Variants in DDX4 observed in about 807,000 individuals in gnomAD.
The protein encoded by DDX4 is DEAD-box helicase 4, also known as probable ATP-dependent RNA helicase DDX4.
A neutral mutation model predicts 100.0 loss-of-function variants in DDX4; 25 were observed. The observed-to-expected ratio is 0.25, with a 90% CI of 0.18 to 0.35. The LOEUF (loss-of-function observed/expected upper bound fraction) is 0.35, where lower values mean the gene tolerates loss of function less well. Among genes scored for constraint, DDX4 ranks in the 10% least tolerant of loss-of-function variants. The pLI is 1.00. For missense variants in DDX4, 635 were observed against 882.4 expected (o/e 0.72, Z 3.55); for synonymous variants, 259 against 275.7 (o/e 0.94, Z 0.60).
chr5:55,813,021 C>G (rs1259939642), intron 18 of DDX4, among the ~76,000 whole-genome samples: 1 of 152,010 alleles, frequency 6.6e-6, no homozygotes, highest in African/African-American at 2.4e-5. Flanking sequence ...TCTTCTCCAA[C>G]ATTTTATAGG....
At chr5:55,770,322 G>A (rs890126580) in intron 7 of DDX4, among the ~76,000 whole-genome samples, 4 of 152,142 alleles carry the variant, frequency 2.6e-5, no homozygotes, top group Admixed American at 1.3e-4. Context: ...TCTGAATAGA[G>A]TCATTGGAAA....
chr5:55,742,593 G>C (rs551156754), intron 2 of DDX4, among the ~76,000 whole-genome samples: 2 of 152,350 alleles, frequency 1.3e-5, no homozygotes, highest in South Asian at 4.1e-4. Context: ...GTAGCTGCAT[G>C]TGAGAACACT....
At chr5:55,759,348 T>G (rs114370191) in intron 3 of DDX4, among the ~76,000 whole-genome samples, 1,641 of 148,536 alleles carry the variant, frequency 0.011, 27 homozygotes, top group African/African-American at 0.038. Flanking sequence ...CCATTGTGAG[T>G]TTTTTTTTTG....
chr5:55,743,682 G>A (rs1374836664), intron 2 of DDX4, among the ~76,000 whole-genome samples: 1 of 152,074 alleles, frequency 6.6e-6, no homozygotes. Context: ...TGGCTGCCTC[G>A]GCTTCCCAAA....
chr5:55,803,274 GA>G (rs1356763336), intron 18 of DDX4, among the ~76,000 whole-genome samples: 1 of 151,636 alleles, frequency 6.6e-6, no homozygotes, highest in Non-Finnish European at 1.5e-5. Context: ...CAAAGGACAT[GA>G]ACTCATCATT....
intron 18 of DDX4, among the ~76,000 whole-genome samples, chr5:55,807,123 T>C (rs1236765734): frequency 2.0e-5 from 3 of 152,224 alleles, no homozygotes; most frequent in Non-Finnish European, 2.9e-5. Context: ...AAGTCTGTTT[T>C]ATCAGAGACT....
intron 15 of DDX4, among the ~76,000 whole-genome samples, chr5:55,790,213 C>T (rs541576665): frequency 1.3e-3 from 170 of 135,928 alleles, no homozygotes; most frequent in African/African-American, 4.3e-3. Context: ...GGTGGGATCT[C>T]GGCTCACTGC....
chr5:55,772,572 T>G (rs539723073), intron 7 of DDX4, among the ~76,000 whole-genome samples: 1 of 152,286 alleles, frequency 6.6e-6, no homozygotes, highest in African/African-American at 2.4e-5. Context: ...GAAATTTGAT[T>G]CCCAGAGTTG....
intron 7 of DDX4, among the ~76,000 whole-genome samples, chr5:55,769,869 C>T (rs972750747): frequency 3.5e-5 from 5 of 141,422 alleles, no homozygotes; most frequent in African/African-American, 5.2e-5. Flanking sequence ...CCTTCTTTTA[C>T]TTTTTTTTTT....
At chr5:55,792,413 T>G (rs1742635849) in intron 16 of DDX4, among the ~76,000 whole-genome samples, 1 of 151,756 alleles carries the variant, frequency 6.6e-6, no homozygotes, top group East Asian at 1.9e-4. Context: ...CAGGCTGGAG[T>G]GCAGTGGCGC....
At chr5:55,812,283 C>T (rs562893016) in intron 18 of DDX4, among the ~76,000 whole-genome samples, 97 of 152,158 alleles carry the variant, frequency 6.4e-4, no homozygotes, top group African/African-American at 2.2e-3. Context: ...CCGTAGGGGC[C>T]GGGCGCGGTG....
Position 55,786,613 on chromosome 5 carries a change from T to C in DDX4, c.960T>C (p.Pro320=), listed in dbSNP as rs1411706490. ...CTCCTGTGCAAAAATACAGTATTCC[T>C]ATCATACTTGCAGGACGAGATTTGA... ...KLTPVQKYSI[P]IILAGRDLMA... The change falls in exon 14 of 22, where the codon CCT becomes CCC. Residue 320 remains proline, a synonymous_variant. Coordinates refer to ENST00000505374, the MANE Select transcript of DDX4 (RefSeq NM_024415.3). The C allele has an allele frequency of 1.2e-6, 2 of 1,613,154 alleles. No individual in the cohort carries two copies. The highest frequency in any genetic ancestry group is 8.5e-7 in the Non-Finnish European group (1 of 1,179,112).
rs1209799982 is a variant in DDX4 at position 55,815,147 on chromosome 5, G to A, written c.1962G>A (p.Gln654=). The change falls in exon 20 of 22, where the codon CAG becomes CAA. Residue 654 remains glutamine (Q), a synonymous_variant. Coordinates refer to ENST00000505374, the MANE Select transcript of DDX4 (RefSeq NM_024415.3). ...TTGAATCGGATAACCATTTAGCACA[G>A]CCTCTAGTAAAAGTATTGACAGATG... is the stretch of plus-strand genomic sequence containing the variant. The part of the protein sequence containing the change: ...FDLESDNHLA[Q]PLVKVLTDAQ... 1 of 1,614,146 alleles carries A rather than the reference G, an allele frequency of 6.2e-7. No individual in the cohort carries two copies. The highest frequency in any genetic ancestry group is 8.5e-7 in the Non-Finnish European group (1 of 1,180,010).
At chr5:55,795,662 A>G (rs144641936) in intron 17 of DDX4, among the ~76,000 whole-genome samples, 280 of 152,208 alleles carry the variant, frequency 1.8e-3, no homozygotes, top group African/African-American at 4.8e-3. Flanking sequence ...AGGTTCAGCT[A>G]CTCAGGAGGC....
At chr5:55,776,371 G>C (rs1231207028) in intron 7 of DDX4, among the ~76,000 whole-genome samples, 1 of 151,978 alleles carries the variant, frequency 6.6e-6, no homozygotes, top group Non-Finnish European at 1.5e-5. Context: ...ATGGGAGGAG[G>C]ACAGGAAAGA....
chr5:55,768,820 T>A (rs1741088863), intron 7 of DDX4, among the ~76,000 whole-genome samples: 1 of 152,194 alleles, frequency 6.6e-6, no homozygotes, highest in Admixed American at 6.5e-5. Flanking sequence ...TAATAACCAT[T>A]CTGACTGGTG....
intron 3 of DDX4, among the ~76,000 whole-genome samples, chr5:55,748,538 T>C (rs186557275): frequency 1.3e-5 from 2 of 152,250 alleles, no homozygotes. Context: ...ATGTTTAGGC[T>C]AATGAAATGA....
At chr5:55,773,743 G>A (rs2111911505) in intron 7 of DDX4, among the ~76,000 whole-genome samples, 1 of 152,120 alleles carries the variant, frequency 6.6e-6, no homozygotes, top group South Asian at 2.1e-4. Context: ...TTCCACCTCA[G>A]CCCTCTGTGT....
At chr5:55,745,329 TATA>T (rs1427028071) in intron 2 of DDX4, among the ~76,000 whole-genome samples, 1 of 152,226 alleles carries the variant, frequency 6.6e-6, no homozygotes, top group Admixed American at 6.5e-5. Context: ...TATACTGTAA[TATA>T]TGGAACTTGG....
Sources: allele counts gnomAD v4.1 joint callset (sites outside exome capture counted in the v4.1 genomes callset), GRCh38; gene constraint gnomAD v4.1.1; transcripts MANE v1.5; gene names NCBI Gene and HGNC (gene_info 2026-07-23, HGNC 2026-07-21).